Variants in SLCO6A1 observed in about 807,000 individuals in gnomAD.
SLCO6A1 encodes the protein solute carrier organic anion transporter family member 6A1, also known as cancer/testis antigen 48.
A neutral mutation model predicts 72.7 loss-of-function variants in SLCO6A1; 65 were observed. The ratio of observed to expected loss-of-function variants is 0.89; its 90% CI spans 0.73 to 1.10. The LOEUF (loss-of-function observed/expected upper bound fraction) is 1.10, where lower values mean the gene tolerates loss of function less well. Ranked by LOEUF, SLCO6A1 falls within the 50% of genes least tolerant of loss-of-function variation. The probability of loss-of-function intolerance (pLI) is 0.00; values close to 1 mark genes in which losing one functional copy is unlikely to be tolerated. For missense variants in SLCO6A1, 874 were observed against 872.6 expected, an observed-to-expected ratio of 1.00 and a Z score of -0.02; for synonymous variants, 314 against 298.2, an observed-to-expected ratio of 1.05 and a Z score of -0.55.
chr5:102,456,338 A>C (rs1055440160), intron 6 of SLCO6A1, among the ~76,000 whole-genome samples: 19 of 152,178 alleles, frequency 1.2e-4, no homozygotes, highest in Admixed American at 2.6e-4. Flanking sequence ...AGATGACATG[A>C]TTGTATATCT....
chr5:102,485,008 T>C (rs1416631490), intron 1 of SLCO6A1, among the ~76,000 whole-genome samples: 1 of 152,060 alleles, frequency 6.6e-6, no homozygotes, highest in African/African-American at 2.4e-5. Context: ...TCCCAGCACT[T>C]TGGGAGGCTG....
At chr5:102,386,668 T>C (rs564171920) in intron 12 of SLCO6A1, among the ~76,000 whole-genome samples, 1 of 152,222 alleles carries the variant, frequency 6.6e-6, no homozygotes, top group East Asian at 1.9e-4. Flanking sequence ...GGTTTTTGGG[T>C]TCCAGTCTTG....
intron 1 of SLCO6A1, among the ~76,000 whole-genome samples, chr5:102,498,038 G>A (rs1344990374): frequency 6.6e-6 from 1 of 151,942 alleles, no homozygotes. Flanking sequence ...TCCCACCCAG[G>A]AACAGAAGAT....
chr5:102,420,231 T>C (rs1287308468), intron 7 of SLCO6A1, among the ~76,000 whole-genome samples: 1 of 152,232 alleles, frequency 6.6e-6, no homozygotes, highest in African/African-American at 2.4e-5. Context: ...GCCATAGGCC[T>C]ACTGACTTCA....
At chr5:102,410,470 T>C (rs749914827) in intron 9 of SLCO6A1, among the ~76,000 whole-genome samples, 1 of 152,160 alleles carries the variant, frequency 6.6e-6, no homozygotes, top group Admixed American at 6.6e-5. Context: ...TCACGAAGAC[T>C]AGCCAGAGCA....
chr5:102,465,273 C>G (rs554565145), intron 4 of SLCO6A1, among the ~76,000 whole-genome samples: 1 of 151,610 alleles, frequency 6.6e-6, no homozygotes, highest in Non-Finnish European at 1.5e-5. Context: ...TAATAATAAC[C>G]CCAGGAGCAT....
intron 2 of SLCO6A1, 93 bp downstream of exon 2, chr5:102,480,084 G>T (rs919591548): frequency 1.6e-6 from 2 of 1,232,974 alleles, no homozygotes; most frequent in Non-Finnish European, 1.1e-6. Flanking sequence ...TAGATATACA[G>T]ACAAATAATT....
At chr5:102,390,648 C>T (rs1746702704) in intron 11 of SLCO6A1, among the ~76,000 whole-genome samples, 1 of 152,086 alleles carries the variant, frequency 6.6e-6, no homozygotes, top group African/African-American at 2.4e-5. Context: ...TTAGTAACTT[C>T]CCAAACACGC....
At chr5:102,459,878 G>GCC in intron 4 of SLCO6A1, 101 bp from the exon 5 acceptor site, 13 of 961,690 alleles carry the variant, frequency 1.4e-5, no homozygotes, top group African/African-American at 1.7e-5. Context: ...AGAGAGGGAG[G>GCC]GTTGGAGAGT....
chr5:102,487,302 T>C (rs1428300201), intron 1 of SLCO6A1, among the ~76,000 whole-genome samples: 2 of 152,172 alleles, frequency 1.3e-5, no homozygotes, highest in Non-Finnish European at 2.9e-5. Context: ...AAATAGTAAA[T>C]GTAAACAATG....
intron 8 of SLCO6A1, 120 bp from the exon 9 acceptor site, chr5:102,413,263 G>T: frequency 1.0e-6 from 1 of 975,766 alleles, no homozygotes; most frequent in Non-Finnish European, 1.5e-6. Context: ...TTTTTTAACA[G>T]CTTTACTGAG....
intron 8 of SLCO6A1, among the ~76,000 whole-genome samples, chr5:102,415,960 C>T (rs1279762324): frequency 1.3e-5 from 2 of 152,122 alleles, no homozygotes; most frequent in Non-Finnish European, 2.9e-5. Context: ...GACAAATGCT[C>T]AACATCATTG....
intron 8 of SLCO6A1, among the ~76,000 whole-genome samples, chr5:102,419,150 G>A (rs944041627): frequency 2.6e-5 from 4 of 152,064 alleles, no homozygotes; most frequent in African/African-American, 7.2e-5. Flanking sequence ...CTTTTCCCAG[G>A]ATTTTGGCCT....
chr5:102,486,852 A>G (rs936723134), intron 1 of SLCO6A1, among the ~76,000 whole-genome samples: 2 of 152,190 alleles, frequency 1.3e-5, no homozygotes, highest in African/African-American at 2.4e-5. Flanking sequence ...AAGTTTAAAC[A>G]TATAGTATTC....
chr5:102,427,416 T>C (rs913454338), intron 7 of SLCO6A1, among the ~76,000 whole-genome samples: 2 of 152,148 alleles, frequency 1.3e-5, no homozygotes, highest in East Asian at 3.9e-4. Flanking sequence ...CTTGATATGA[T>C]GTTTTGAAAA....
rs1430730612 is a variant in SLCO6A1 at position 102,455,969 on chromosome 5, A to G, written c.1131+2413T>C. ...GTACAACATATGCAAATCAATAAAC[A>G]TAATCCAGCATATAAAGAGAACCAA... On this transcript the variant is annotated intron_variant, in intron 6 of 13. Transcript: ENST00000506729. Among the ~76,000 whole-genome samples the G allele has an allele frequency of 7.9e-5, 12 of 152,324 alleles. No homozygotes were observed. In the East Asian group the frequency reaches 1.7e-3, roughly 22 times the overall value.
intron 1 of SLCO6A1, among the ~76,000 whole-genome samples, chr5:102,482,336 C>A (rs539966470): frequency 6.6e-6 from 1 of 152,186 alleles, no homozygotes; most frequent in African/African-American, 2.4e-5. Flanking sequence ...ATCCACAAGA[C>A]AAGCAAGTAA....
chr5:102,383,110 AGTGT>A (rs1746217335), intron 12 of SLCO6A1, among the ~76,000 whole-genome samples: 2 of 148,308 alleles, frequency 1.3e-5, no homozygotes, highest in African/African-American at 4.9e-5. Flanking sequence ...ATATATATAT[AGTGT>A]TTTATATACA....
At chr5:102,457,266 C>T (rs972202136) in intron 6 of SLCO6A1, among the ~76,000 whole-genome samples, 1 of 124,004 alleles carries the variant, frequency 8.1e-6, no homozygotes, top group Non-Finnish European at 1.7e-5. Flanking sequence ...TCTAATTAAA[C>T]TAAAGAGCTT....
Sources: gnomAD v4.1 joint callset for allele counts (sites outside exome capture counted in the v4.1 genomes callset) on GRCh38, gnomAD v4.1.1 for gene constraint, MANE v1.5 for transcripts, NCBI Gene and HGNC (gene_info 2026-07-23, HGNC 2026-07-21) for gene names.